ESCO1: variants seen among roughly 807,000 people sequenced by gnomAD.
ESCO1 encodes establishment of sister chromatid cohesion N-acetyltransferase 1, also known as N-acetyltransferase ESCO1.
ESCO1 carries 33 observed loss-of-function variants against 83.5 expected under a neutral mutation model. That is an observed-to-expected ratio of 0.40 (90% confidence interval 0.30 to 0.53). The LOEUF is 0.53. ESCO1 is among the 20% of genes least tolerant of loss of function. ESCO1 has a pLI of 0.63. For synonymous variants in ESCO1, 332 were observed against 324.3 expected, an observed-to-expected ratio of 1.02 and a Z score of -0.25; for missense variants, 855 against 968.0, an observed-to-expected ratio of 0.88 and a Z score of 1.55.
chr18:21,564,316 C>G lies in ESCO1; in HGVS notation c.1708G>C (p.Glu570Gln). 1 of 1,585,870 alleles carries G rather than the reference C, an allele frequency of 6.3e-7. No homozygotes were observed. The highest frequency in any genetic ancestry group is 8.6e-7 in the Non-Finnish European group (1 of 1,163,474). ...GGCAAAGAATGATTTCGTGGTGTCTCCCTTAAAAAAAATAAAATTACTAAA... is the reference window on the plus strand; with the variant it reads ...GGCAAAGAATGATTTCGTGGTGTCTGCCTTAAAAAAAATAAAATTACTAAA... ...NQTSKSSDNR[E>Q]TPRNHSLPKC... is the part of the protein sequence containing the mutation. The change falls in exon 7 of 12, where the codon GAG (glutamate) becomes CAG (glutamine). Residue 570 changes from glutamate (E) to glutamine (Q), a missense_variant and splice_region_variant. Glu to Gln is a conservative substitution (Grantham distance 29, BLOSUM62 2). Transcript: ENST00000269214.
At chr18:21,579,812 A>AGTG in intron 2 of ESCO1, among the ~76,000 whole-genome samples, 2 of 146,550 alleles carry the variant, frequency 1.4e-5, no homozygotes, top group African/African-American at 5.2e-5. Context: ...ACACACACAC[A>AGTG]CACACACACA....
chr18:21,545,203 G>C (rs2037957761), intron 8 of ESCO1, among the ~76,000 whole-genome samples: 1 of 152,064 alleles, frequency 6.6e-6, no homozygotes, highest in Non-Finnish European at 1.5e-5. Context: ...CTTAAGAATT[G>C]GGATTACAGA....
chr18:21,558,681 T>G (rs2038143392), intron 8 of ESCO1, among the ~76,000 whole-genome samples: 1 of 146,276 alleles, frequency 6.8e-6, no homozygotes, highest in East Asian at 2.0e-4. Flanking sequence ...GAGCCAAGAT[T>G]GCACCACTGC....
At chr18:21,592,234 C>T (rs1299635210) in intron 1 of ESCO1, among the ~76,000 whole-genome samples, 3 of 150,466 alleles carry the variant, frequency 2.0e-5, no homozygotes, top group Non-Finnish European at 4.4e-5. Flanking sequence ...TCCTCACTTC[C>T]CAGTAGGGGC....
At chr18:21,531,275 G>A (rs1347795737) in intron 11 of ESCO1, among the ~76,000 whole-genome samples, 1 of 151,718 alleles carries the variant, frequency 6.6e-6, no homozygotes, top group East Asian at 2.0e-4. Context: ...GACTCCGACT[G>A]TACCAAAACA....
chr18:21,530,226 GGTT>G lies in ESCO1; in HGVS notation c.*114_*116del. On this transcript the variant is annotated 3_prime_UTR_variant, in exon 12 of 12. Transcript: ENST00000269214. ...TTTTATGAAAATGGAACAACCATAT[GGTT>G]GTTGCCAGTCCTGAGTTCATTGTAA... 1.3e-6 allele frequency: 1 copy of G among 783,680 alleles called. No homozygotes were observed. Among genetic ancestry groups the G allele is most frequent in the East Asian group, 3.0e-5 (1 of 33,702 alleles). 48.5% of individuals were successfully genotyped at this position (783,680 alleles called of 1,614,324 possible).
intron 4 of ESCO1, among the ~76,000 whole-genome samples, chr18:21,570,975 C>CAA (rs774263906): frequency 3.6e-4 from 41 of 113,558 alleles, no homozygotes; most frequent in African/African-American, 1.2e-3. Context: ...GACTTCATCT[C>CAA]AAAAAAAAAA....
chr18:21,547,603 A>G (rs1037083662), intron 8 of ESCO1, among the ~76,000 whole-genome samples: 1 of 152,190 alleles, frequency 6.6e-6, no homozygotes, highest in Non-Finnish European at 1.5e-5. Flanking sequence ...TTTATTTATT[A>G]TACTTCAATG....
intron 8 of ESCO1, among the ~76,000 whole-genome samples, chr18:21,544,249 G>C (rs1002071144): frequency 1.3e-5 from 2 of 151,760 alleles, no homozygotes; most frequent in Non-Finnish European, 2.9e-5. Flanking sequence ...ACTCCAGCCT[G>C]GGCGACAGAG....
intron 8 of ESCO1, among the ~76,000 whole-genome samples, chr18:21,554,683 C>T (rs1260969763): frequency 6.6e-6 from 1 of 151,988 alleles, no homozygotes; most frequent in Non-Finnish European, 1.5e-5. Flanking sequence ...ACGGAGGGGG[C>T]AGATCATTTG....
chr18:21,566,681 G>T (rs1287299907), intron 5 of ESCO1, among the ~76,000 whole-genome samples: 2 of 151,926 alleles, frequency 1.3e-5, no homozygotes, highest in African/African-American at 4.8e-5. Flanking sequence ...GCCAACATAG[G>T]GAAACCCTGT....
chr18:21,542,555 G>A (rs1190620122), intron 8 of ESCO1, among the ~76,000 whole-genome samples: 1 of 152,122 alleles, frequency 6.6e-6, no homozygotes, highest in Non-Finnish European at 1.5e-5. Context: ...TATTTAAGAT[G>A]ACTGCTCAAA....
intron 7 of ESCO1, among the ~76,000 whole-genome samples, chr18:21,561,323 A>T (rs2038182987): frequency 6.6e-6 from 1 of 152,226 alleles, no homozygotes; most frequent in Non-Finnish European, 1.5e-5. Context: ...CAATAATTAT[A>T]CTACTAGTGT....
intron 2 of ESCO1, among the ~76,000 whole-genome samples, chr18:21,583,896 T>C (rs1008271404): frequency 1.2e-4 from 19 of 152,012 alleles, no homozygotes; most frequent in Non-Finnish European, 1.8e-4. Context: ...GTCCAACAAA[T>C]AGAGATGTAA....
intron 8 of ESCO1, among the ~76,000 whole-genome samples, chr18:21,552,676 G>A (rs374106194): frequency 8.5e-5 from 13 of 152,140 alleles, no homozygotes; most frequent in Admixed American, 6.5e-5. Context: ...CAGAGAACCC[G>A]GAAACAGACT....
At chr18:21,562,713 A>G (rs1024865987) in intron 7 of ESCO1, among the ~76,000 whole-genome samples, 1 of 151,856 alleles carries the variant, frequency 6.6e-6, no homozygotes, top group Non-Finnish European at 1.5e-5. Context: ...GGGTGCCTTA[A>G]TTTTTTTATA....
Position 21,574,998 on chromosome 18 carries a change from T to C in ESCO1, c.-155A>G. ...TATACATTTTCAACAAAAATACTAG[T>C]TTGCTTCAAGTAAGGTTTCTGTCAT... is the stretch of plus-strand genomic sequence containing the variant. On this transcript the variant is annotated 5_prime_UTR_variant, in exon 4 of 12. Coordinates refer to ENST00000269214, the MANE Select transcript of ESCO1 (RefSeq NM_052911.3). 1 of 558,496 alleles carries C rather than the reference T, an allele frequency of 1.8e-6. No individual in the cohort carries two copies. Among genetic ancestry groups the C allele is most frequent in the Non-Finnish European group, 3.0e-6 (1 of 333,996 alleles). 34.6% of individuals were successfully genotyped at this position (558,496 alleles called of 1,614,324 possible). A position where few individuals can be genotyped will look rare whatever the true frequency, so the allele number is the denominator to read the frequency against.
At chr18:21,550,746 C>T (rs964746133) in intron 8 of ESCO1, among the ~76,000 whole-genome samples, 1 of 152,180 alleles carries the variant, frequency 6.6e-6, no homozygotes, top group Non-Finnish European at 1.5e-5. Context: ...GGGAGTTCTG[C>T]TCCCATTTAG....
chr18:21,584,451 A>AC lies in ESCO1; in HGVS notation c.-824-12_-824-11insG, dbSNP rs1369571372. ...ATAGCCAAAGACAATCTATTGAAAAAAAAAAATACAAAAATATCACTATTA... is the reference window on the plus strand; with the variant it reads ...ATAGCCAAAGACAATCTATTGAAAAACAAAAAATACAAAAATATCACTATTA... On this transcript the variant is annotated splice_polypyrimidine_tract_variant and intron_variant, in intron 1 of 11. Coordinates refer to ENST00000269214, the MANE Select transcript of ESCO1 (RefSeq NM_052911.3). 6.6e-6 allele frequency: 1 copy of AC among 151,924 alleles called. No individual in the cohort carries two copies. The highest frequency in any genetic ancestry group is 2.4e-5 in the African/African-American group (1 of 41,406). The allele number at this position is 151,924 out of a possible 1,614,324, so 9.4% of individuals were successfully genotyped here.
Sources: gnomAD v4.1 joint callset for allele counts (sites outside exome capture counted in the v4.1 genomes callset) on GRCh38, gnomAD v4.1.1 for gene constraint, MANE v1.5 for transcripts, NCBI Gene and HGNC (gene_info 2026-07-23, HGNC 2026-07-21) for gene names.